Variants in ADAMTS12 observed in about 807,000 individuals in gnomAD.
ADAMTS12 encodes ADAM metallopeptidase with thrombospondin type 1 motif 12.
In ADAMTS12, 118 loss-of-function variants were observed where a neutral mutation model predicts 167.8. The ratio of observed to expected loss-of-function variants is 0.70; its 90% CI spans 0.61 to 0.82. The LOEUF is 0.82. Ranked by LOEUF, ADAMTS12 falls within the 40% of genes least tolerant of loss-of-function variation. The probability of loss-of-function intolerance (pLI) is 0.00; values close to 1 mark genes in which losing one functional copy is unlikely to be tolerated. For missense variants in ADAMTS12, 1,916 were observed against 1,998.8 expected (o/e 0.96, Z 0.79); for synonymous variants, 704 against 716.9 (o/e 0.98, Z 0.29).
At chr5:33,560,872 A>G (rs913478198) in intron 20 of ADAMTS12, among the ~76,000 whole-genome samples, 155 bp downstream of exon 20, 13 of 150,296 alleles carry the variant, frequency 8.6e-5, no homozygotes, top group African/African-American at 3.2e-4. Flanking sequence ...ATACATATGT[A>G]ACAAACCTGA....
intron 2 of ADAMTS12, among the ~76,000 whole-genome samples, chr5:33,759,928 G>A (rs1264469410): frequency 6.6e-6 from 1 of 152,122 alleles, no homozygotes; most frequent in Non-Finnish European, 1.5e-5. Flanking sequence ...AGAGAATAAG[G>A]CGTCAGGTGA....
At chr5:33,535,140 C>T (rs1744324495) in intron 22 of ADAMTS12, 148 bp from the exon 23 acceptor site, 1 of 764,850 alleles carries the variant, frequency 1.3e-6, no homozygotes, top group Non-Finnish European at 2.0e-6. Flanking sequence ...AATAAAGGCA[C>T]TAATAATTTG....
At chr5:33,591,534 C>A (rs1347501014) in intron 17 of ADAMTS12, among the ~76,000 whole-genome samples, 1 of 152,174 alleles carries the variant, frequency 6.6e-6, no homozygotes, top group East Asian at 1.9e-4. Context: ...TCTGACAAAA[C>A]CATGACTACA....
chr5:33,776,480 G>GA (rs1745914579), intron 2 of ADAMTS12, among the ~76,000 whole-genome samples: 1 of 152,056 alleles, frequency 6.6e-6, no homozygotes, highest in African/African-American at 2.4e-5. Context: ...TGAATCCATG[G>GA]ATCAAGATGA....
At chr5:33,765,349 AC>A (rs1745495081) in intron 2 of ADAMTS12, among the ~76,000 whole-genome samples, 1 of 152,156 alleles carries the variant, frequency 6.6e-6, no homozygotes, top group African/African-American at 2.4e-5. Flanking sequence ...AATTAAAATA[AC>A]CTTATTTTCA....
chr5:33,696,062 A>T (rs1742747618), intron 3 of ADAMTS12, among the ~76,000 whole-genome samples: 1 of 152,114 alleles, frequency 6.6e-6, no homozygotes, highest in African/African-American at 2.4e-5. Flanking sequence ...GTGCTTATTA[A>T]GGTGTTAATG....
intron 17 of ADAMTS12, among the ~76,000 whole-genome samples, chr5:33,593,291 G>T (rs1418926982): frequency 6.6e-6 from 1 of 152,144 alleles, no homozygotes. Flanking sequence ...AGGGGATTCT[G>T]GTTCTAGTAC....
At position 33,873,097 on chromosome 5, in the gene ADAMTS12, T is replaced by C. The variant is rs926497971; in HGVS notation, c.489+8022A>G. Among the ~76,000 whole-genome samples the C allele has an allele frequency of 1.3e-3, 186 of 147,930 alleles. 1 individual carries two copies. The highest frequency in any genetic ancestry group is 4.4e-3 in the African/African-American group (177 of 39,910). On this transcript the variant is annotated intron_variant, in intron 2 of 23. Coordinates refer to ENST00000504830, the MANE Select transcript of ADAMTS12 (RefSeq NM_030955.4). ...AGTACAATAAAACAAGAAAAGGAAA[T>C]ATAAGTATACTAATTGCAAAGGAAG...
chr5:33,849,589 C>CACATATGTATTGCATAGCAATAT (rs1561307044), intron 2 of ADAMTS12, among the ~76,000 whole-genome samples: 1 of 62,462 alleles, frequency 1.6e-5, no homozygotes, highest in African/African-American at 4.3e-5. Flanking sequence ...CATAGCAATA[C>CACATATGTATTGCATAGCAATAT]ACATATGTAT....
chr5:33,529,540 G>A (rs1419179938), intron 23 of ADAMTS12, among the ~76,000 whole-genome samples: 2 of 152,070 alleles, frequency 1.3e-5, no homozygotes. Flanking sequence ...CTTTGTAAAG[G>A]GAACAGTCAG....
At chr5:33,810,427 T>G (rs1295046712) in intron 2 of ADAMTS12, among the ~76,000 whole-genome samples, 1 of 152,206 alleles carries the variant, frequency 6.6e-6, no homozygotes, top group South Asian at 2.1e-4. Context: ...CCAATTGCAG[T>G]AAATCCATGC....
chr5:33,568,706 C>A (rs1024874677), intron 19 of ADAMTS12, among the ~76,000 whole-genome samples: 1 of 152,200 alleles, frequency 6.6e-6, no homozygotes, highest in African/African-American at 2.4e-5. Context: ...TCTGAGGTAC[C>A]GGGTTCATCT....
At chr5:33,659,283 ACAAACT>A (rs1741171984) in intron 6 of ADAMTS12, among the ~76,000 whole-genome samples, 1 of 152,234 alleles carries the variant, frequency 6.6e-6, no homozygotes, top group Non-Finnish European at 1.5e-5. Context: ...CACATGCACC[ACAAACT>A]CAAATCCGCA....
chr5:33,861,576 T>A (rs541460880), intron 2 of ADAMTS12, among the ~76,000 whole-genome samples: 3 of 151,996 alleles, frequency 2.0e-5, no homozygotes, highest in Admixed American at 6.6e-5. Context: ...CACGATAACA[T>A]TGGGAGACTT....
At position 33,611,362 on chromosome 5, in the gene ADAMTS12, T is replaced by TA. The variant is rs1395853587; in HGVS notation, c.2527+2875dup. 2.6e-5 allele frequency among the ~76,000 whole-genome samples: 4 copies of TA among 151,912 alleles called. No individual in the cohort carries two copies. The East Asian group carries it at 5.8e-4, about 22-fold the overall frequency. ...CTTTTTTTTTTTTTGTCTTTAATAG[T>TA]AAAGATTGAAACAAAATGGTAAGAG... is the stretch of plus-strand genomic sequence containing the variant. On this transcript the variant is annotated intron_variant, in intron 16 of 23. Transcript: ENST00000504830.
intron 7 of ADAMTS12, among the ~76,000 whole-genome samples, chr5:33,652,924 T>C (rs1276724432): frequency 1.3e-5 from 2 of 152,104 alleles, no homozygotes; most frequent in African/African-American, 2.4e-5. Flanking sequence ...AGTTCTCTCA[T>C]TGTATATGGG....
chr5:33,728,041 C>A (rs1744049936), intron 3 of ADAMTS12, among the ~76,000 whole-genome samples: 1 of 152,098 alleles, frequency 6.6e-6, no homozygotes, highest in Admixed American at 6.5e-5. Flanking sequence ...AGGAAAGGAA[C>A]AAATATATTA....
chr5:33,868,893 T>C (rs1365494195), intron 2 of ADAMTS12, among the ~76,000 whole-genome samples: 2 of 152,180 alleles, frequency 1.3e-5, no homozygotes, highest in Non-Finnish European at 2.9e-5. Flanking sequence ...TGGACACCTC[T>C]TTTTAAAAGG....
chr5:33,747,282 C>A (rs1005145807), intron 3 of ADAMTS12, among the ~76,000 whole-genome samples: 3 of 152,170 alleles, frequency 2.0e-5, no homozygotes, highest in Admixed American at 1.3e-4. Context: ...AATCTATAGC[C>A]ACAAGCCATA....
Sources: gnomAD v4.1 joint callset for allele counts (sites outside exome capture counted in the v4.1 genomes callset) on GRCh38, gnomAD v4.1.1 for gene constraint, MANE v1.5 for transcripts, NCBI Gene and HGNC (gene_info 2026-07-23, HGNC 2026-07-21) for gene names.